Variants in BAZ1A observed in about 807,000 individuals in gnomAD.
BAZ1A encodes the protein bromodomain adjacent to zinc finger domain 1A.
Under a neutral mutation model 185.2 loss-of-function variants are expected in BAZ1A, and 50 were observed. That is an observed-to-expected ratio of 0.27 (90% confidence interval 0.22 to 0.34). The LOEUF is 0.34. BAZ1A is among the 10% of genes least tolerant of loss of function. The pLI, the probability that BAZ1A is intolerant of heterozygous loss-of-function variation, is 1.00. For missense variants in BAZ1A, 1,356 were observed against 1,839.9 expected (o/e 0.74, Z 4.81); for synonymous variants, 571 against 615.6 (o/e 0.93, Z 1.07).
chr14:34,771,310 T>C, intron 21 of BAZ1A: 1 of 544,774 alleles, frequency 1.8e-6, no homozygotes, highest in Non-Finnish European at 3.1e-6. Flanking sequence ...GTAATCTTTC[T>C]TTTGATGAAA....
intron 26 of BAZ1A, among the ~76,000 whole-genome samples, chr14:34,754,317 G>T (rs1250963664): frequency 1.3e-5 from 2 of 150,850 alleles, no homozygotes; most frequent in Non-Finnish European, 2.9e-5. Context: ...TACTTGGGAG[G>T]CTGAGGTGGG....
chr14:34,868,887 TGTAA>T (rs201894973), intron 2 of BAZ1A, among the ~76,000 whole-genome samples: 1 of 96,514 alleles, frequency 1.0e-5, no homozygotes, highest in Non-Finnish European at 2.2e-5. Context: ...TCTCTATGTA[TGTAA>T]GTATGTATGT....
intron 7 of BAZ1A, among the ~76,000 whole-genome samples, chr14:34,801,715 C>T (rs1881575318): frequency 6.6e-6 from 1 of 152,006 alleles, no homozygotes; most frequent in Non-Finnish European, 1.5e-5. Flanking sequence ...TTGAGAGCAG[C>T]CTGGCCAACA....
At chr14:34,817,026 T>A (rs989928717) in intron 4 of BAZ1A, among the ~76,000 whole-genome samples, 2 of 151,782 alleles carry the variant, frequency 1.3e-5, no homozygotes, top group African/African-American at 2.4e-5. Flanking sequence ...AAAAAAAAAA[T>A]TATTGAAAGC....
chr14:34,801,848 G>A (rs953707182), intron 7 of BAZ1A, among the ~76,000 whole-genome samples: 2 of 149,958 alleles, frequency 1.3e-5, no homozygotes, highest in Non-Finnish European at 2.9e-5. Flanking sequence ...GGAGGTTGCA[G>A]TGAGCCAAGA....
intron 3 of BAZ1A, among the ~76,000 whole-genome samples, chr14:34,855,925 G>GT (rs2042668961): frequency 6.6e-6 from 1 of 152,116 alleles, no homozygotes; most frequent in South Asian, 2.1e-4. Context: ...AAATAAGTAA[G>GT]TAAAGGGCTT....
At chr14:34,786,986 A>T (rs949943543) in intron 12 of BAZ1A, among the ~76,000 whole-genome samples, 1 of 152,040 alleles carries the variant, frequency 6.6e-6, no homozygotes, top group South Asian at 2.1e-4. Context: ...AAAATGAGCT[A>T]AAAAAAAGTT....
chr14:34,861,973 A>G, intron 3 of BAZ1A, 71 bp downstream of exon 3: 1 of 1,520,820 alleles, frequency 6.6e-7, no homozygotes, highest in Admixed American at 1.8e-5. Context: ...TTAGGTCACC[A>G]CTTTGTGTGT....
chr14:34,803,433 T>C (rs1881682830), intron 6 of BAZ1A, among the ~76,000 whole-genome samples: 1 of 151,262 alleles, frequency 6.6e-6, no homozygotes, highest in African/African-American at 2.4e-5. Flanking sequence ...TTATGCATTA[T>C]TGTGTAGTAA....
chr14:34,765,255 A>G lies in BAZ1A; in HGVS notation c.3315T>C (p.Ser1105=). Residue 1105 remains serine (S), a synonymous_variant, in exon 22 of 27, where the codon AGT becomes AGC. Coordinates refer to ENST00000360310, the MANE Select transcript of BAZ1A (RefSeq NM_013448.3). ...CCAGAACTGTTTTATAAGAACGCCC[A>G]CTGTCACTGGCATCTTAAATGAAAA... is the stretch of plus-strand genomic sequence containing the variant. ...FLKAPLDASD[S]GRSYKTVLDR... 6.2e-7 allele frequency: 1 copy of G among 1,613,362 alleles called. No individual in the cohort carries two copies. Among genetic ancestry groups the G allele is most frequent in the Non-Finnish European group, 8.5e-7 (1 of 1,179,726 alleles).
At chr14:34,819,118 G>A (rs1402879820) in intron 4 of BAZ1A, among the ~76,000 whole-genome samples, 1 of 130,982 alleles carries the variant, frequency 7.6e-6, no homozygotes, top group Non-Finnish European at 1.6e-5. Flanking sequence ...TCCGACCTGG[G>A]CGACAGAGCA....
Position 34,753,124 on chromosome 14 carries a change from A to G in BAZ1A, c.*384T>C, listed in dbSNP as rs1476681297. The G allele has an allele frequency of 5.6e-6, 1 of 179,534 alleles. No homozygotes were observed. Among genetic ancestry groups the G allele is most frequent in the East Asian group, 1.5e-4 (1 of 6,850 alleles). 11.1% of individuals were successfully genotyped at this position (179,534 alleles called of 1,614,324 possible). A position where few individuals can be genotyped will look rare whatever the true frequency, so the allele number is the denominator to read the frequency against. On this transcript the variant is annotated 3_prime_UTR_variant, in exon 27 of 27. Coordinates refer to ENST00000360310, the MANE Select transcript of BAZ1A (RefSeq NM_013448.3). ...ATAAACACCTTTTCTAAACTGTGCT[A>G]TAGCGGAAGACTCATCCATGTAGAT...
chr14:34,775,706 A>G (rs1879552831), intron 18 of BAZ1A, among the ~76,000 whole-genome samples: 1 of 152,224 alleles, frequency 6.6e-6, no homozygotes, highest in African/African-American at 2.4e-5. Flanking sequence ...TGTGTTCCTC[A>G]TAATTCAAAT....
At chr14:34,786,603 G>GGT in intron 12 of BAZ1A, 1 of 106,864 alleles carries the variant, frequency 9.4e-6, no homozygotes, top group East Asian at 3.4e-4. Context: ...TCTTTTATGT[G>GGT]TGTTTTTTTT....
rs142697624 is a variant in BAZ1A, at chr14:34,854,668, G to A, written c.392+7376C>T. On this transcript the variant is annotated intron_variant, in intron 3 of 26. Coordinates refer to ENST00000360310, the MANE Select transcript of BAZ1A (RefSeq NM_013448.3). ...ATTTTAATCTCGCAATAACCCAAAA[G>A]GATGTCATTTGTCCAACAAAGTCTA... is the stretch of plus-strand genomic sequence containing the variant. 2.5e-3 allele frequency among the ~76,000 whole-genome samples: 382 copies of A among 152,152 alleles called. 1 individual carries two copies. Among genetic ancestry groups the A allele is most frequent in the African/African-American group, 8.8e-3 (367 of 41,492 alleles).
At chr14:34,837,666 T>C (rs992305765) in intron 3 of BAZ1A, among the ~76,000 whole-genome samples, 1 of 152,196 alleles carries the variant, frequency 6.6e-6, no homozygotes, top group Non-Finnish European at 1.5e-5. Context: ...TTCAAAAGTA[T>C]CTTATTAAAG....
chr14:34,794,277 CAAAGTA>C (rs997639708), intron 11 of BAZ1A, among the ~76,000 whole-genome samples: 78 of 152,226 alleles, frequency 5.1e-4, no homozygotes, highest in African/African-American at 1.8e-3. Context: ...AATGTTTATA[CAAAGTA>C]AAAGTATATA....
chr14:34,797,462 G>T (rs1881260406), intron 9 of BAZ1A, among the ~76,000 whole-genome samples: 1 of 152,090 alleles, frequency 6.6e-6, no homozygotes, highest in African/African-American at 2.4e-5. Flanking sequence ...GGGAGGCTGA[G>T]GCAGGAGAAT....
At chr14:34,780,101 A>T in intron 17 of BAZ1A, 85 bp downstream of exon 17, 1 of 1,524,304 alleles carries the variant, frequency 6.6e-7, no homozygotes, top group Non-Finnish European at 8.9e-7. Flanking sequence ...AGCAATCAAT[A>T]TATTTCAGAG....
Sources: allele counts gnomAD v4.1 joint callset (sites outside exome capture counted in the v4.1 genomes callset), GRCh38; gene constraint gnomAD v4.1.1; transcripts MANE v1.5; gene names NCBI Gene and HGNC (gene_info 2026-07-23, HGNC 2026-07-21).